The following MTFR1L variants were observed in gnomAD, a reference collection of about 807,000 sequenced individuals.
MTFR1L encodes the protein mitochondrial fission regulator 1-like.
MTFR1L carries 10 observed loss-of-function variants against 27.9 expected under a neutral mutation model. That is an observed-to-expected ratio of 0.36 (90% CI 0.22 to 0.61). MTFR1L has a LOEUF of 0.61. Among genes scored for constraint, MTFR1L ranks in the 20% least tolerant of loss-of-function variants. The pLI, the probability that MTFR1L is intolerant of heterozygous loss-of-function variation, is 0.73. For synonymous variants in MTFR1L, 151 were observed against 139.4 expected, an observed-to-expected ratio of 1.08 and a Z score of -0.58; for missense variants, 315 against 363.7, an observed-to-expected ratio of 0.87 and a Z score of 1.09.
chr1:25,828,988 T>TTAAAG (rs1036255826), intron 5 of MTFR1L, among the ~76,000 whole-genome samples: 1 of 152,222 alleles, frequency 6.6e-6, no homozygotes, highest in African/African-American at 2.4e-5. Flanking sequence ...TTTAGTGTTT[T>TTAAAG]TAAAGTATTT....
intron 3 of MTFR1L, among the ~76,000 whole-genome samples, chr1:25,823,971 CTA>C (rs1334291841): frequency 1.3e-5 from 2 of 152,234 alleles, no homozygotes; most frequent in Non-Finnish European, 2.9e-5. Context: ...GGGACACTGA[CTA>C]TTGTGATTTT....
At chr1:25,827,828 C>T (rs781305488) in intron 5 of MTFR1L, among the ~76,000 whole-genome samples, 1 of 152,166 alleles carries the variant, frequency 6.6e-6, no homozygotes, top group Non-Finnish European at 1.5e-5. Flanking sequence ...TGGGTTCAAG[C>T]AGTTCTCGTG....
chr1:25,820,973 G>C (rs556682593), intron 1 of MTFR1L: 2 of 296,330 alleles, frequency 6.7e-6, no homozygotes, highest in East Asian at 1.6e-4. Flanking sequence ...CTCGGCGAAG[G>C]GGGTGCTGGT....
chr1:25,821,744 G>A (rs1272881152), intron 1 of MTFR1L: 1 of 152,332 alleles, frequency 6.6e-6, no homozygotes, highest in Non-Finnish European at 1.5e-5. Context: ...TGCTCTTGCT[G>A]TTTTGTCTTC....
rs370001280 is a variant in MTFR1L, at chr1:25,826,261, C to G, written c.130-41C>G. 4.5e-5 allele frequency: 70 copies of G among 1,569,962 alleles called. No individual in the cohort carries two copies. In the African/African-American group the frequency reaches 9.1e-4, roughly 20 times the overall value. On this transcript the variant is annotated intron_variant, in intron 3 of 6. Coordinates refer to ENST00000374303, the MANE Select transcript of MTFR1L (RefSeq NM_001099625.2). The surrounding 1 kb of genome is among the most constrained non-coding windows in gnomAD (Gnocchi z 4.1). ...ATTCTGCAGTTTCTGATTGGCTCAT[C>G]ATGGCATCTGTAAATGTTGATGACT... is the stretch of plus-strand genomic sequence containing the variant.
At chr1:25,820,268 C>T (rs544178330) in intron 1 of MTFR1L, 3 of 455,962 alleles carry the variant, frequency 6.6e-6, no homozygotes, top group Admixed American at 2.4e-5. Context: ...CTTCTAGTTT[C>T]GGCTTCGCTG....
In MTFR1L at chr1:25,832,912, C is replaced by G. The variant is rs2048265823; in HGVS notation, c.*886C>G. The G allele has an allele frequency of 2.0e-5, 3 of 152,382 alleles. No individual in the cohort carries two copies. Among genetic ancestry groups the G allele is most frequent in the African/African-American group, 7.2e-5 (3 of 41,398 alleles). The allele number at this position is 152,382 out of a possible 1,614,324, so 9.4% of individuals were successfully genotyped here. On this transcript the variant is annotated 3_prime_UTR_variant, in exon 7 of 7. Coordinates refer to ENST00000374303, the MANE Select transcript of MTFR1L (RefSeq NM_001099625.2). ...GTGTTTGGGTTGAAGCACTACCTGA[C>G]ATTAAAGGAAGGACTTGGAGAGAGA...
At position 25,826,753 on chromosome 1, in the gene MTFR1L, C is replaced by T; in HGVS notation, c.378C>T (p.Ser126=). Reference sequence around the variant, plus strand: ...AGAAGCCAGCTCTGCCAGCCCTAAGCCGCACTACTGAGCTGCAGGACGAGC... The same window carrying T: ...AGAAGCCAGCTCTGCCAGCCCTAAGTCGCACTACTGAGCTGCAGGACGAGC... ...ALKKPALPAL[S]RTTELQDELS... is the part of the protein sequence containing the mutation. The change falls in exon 5 of 7, where the codon AGC becomes AGT. Residue 126 remains serine (S), a synonymous_variant. Coordinates refer to ENST00000374303, the MANE Select transcript of MTFR1L (RefSeq NM_001099625.2). The surrounding 1 kb of genome is among the most constrained non-coding windows in gnomAD (Gnocchi z 4.1). 6.2e-7 allele frequency: 1 copy of T among 1,614,150 alleles called. No homozygotes were observed. The highest frequency in any genetic ancestry group is 8.5e-7 in the Non-Finnish European group (1 of 1,180,040).
intron 5 of MTFR1L, among the ~76,000 whole-genome samples, chr1:25,828,835 T>C (rs1392251237): frequency 6.6e-6 from 1 of 152,228 alleles, no homozygotes; most frequent in African/African-American, 2.4e-5. Flanking sequence ...ATGGTGTTCT[T>C]TGAAATCTTC....
rs749216197 is a variant in MTFR1L at position 25,826,444 on chromosome 1, T to G, written c.239+33T>G. 1.2e-6 allele frequency: 2 copies of G among 1,610,388 alleles called. No homozygotes were observed. Among genetic ancestry groups the G allele is most frequent in the Admixed American group, 3.3e-5 (2 of 59,974 alleles). On this transcript the variant is annotated intron_variant, in intron 4 of 6. Transcript: ENST00000374303. This position sits in a 1 kb window ranked among gnomAD's most constrained non-coding sequence, Gnocchi z 4.1. The stretch of plus-strand genomic sequence containing the variant: ...AGGCAGTAGCTGGTCTGCTAAGGAA[T>G]GGAGAACTTCCCAGAAGAGGTGGCA...
chr1:25,820,568 A>G (rs114425492), intron 1 of MTFR1L: 4,396 of 373,868 alleles, frequency 0.012, 183 homozygotes, highest in African/African-American at 0.089. Context: ...GGTGCTGAGC[A>G]GGGCCCTGCG....
intron 5 of MTFR1L, among the ~76,000 whole-genome samples, chr1:25,827,871 G>T (rs1433706164): frequency 1.3e-5 from 2 of 151,840 alleles, no homozygotes; most frequent in African/African-American, 2.4e-5. Flanking sequence ...GATTATAGGC[G>T]CATGCCACCA....
At chr1:25,821,312 A>G (rs370197132) in intron 1 of MTFR1L, among the ~76,000 whole-genome samples, 3 of 152,310 alleles carry the variant, frequency 2.0e-5, no homozygotes, top group African/African-American at 7.2e-5. Context: ...CGTTAGTGCA[A>G]TTTGTGGCCG....
intron 5 of MTFR1L, among the ~76,000 whole-genome samples, chr1:25,828,567 G>GA (rs1187932092): frequency 0.07 from 9,617 of 138,172 alleles, 963 homozygotes; most frequent in African/African-American, 0.23. Context: ...CTCAAAAAAA[G>GA]AAAAAAAAAA....
In MTFR1L at chr1:25,829,700, A is replaced by C; in HGVS notation, c.643A>C (p.Lys215Gln). 6.2e-7 allele frequency: 1 copy of C among 1,614,160 alleles called. No homozygotes were observed. The change falls in exon 6 of 7, where the codon AAA becomes CAA. Residue 215 changes from lysine (K) to glutamine (Q), a missense_variant. By Grantham distance (53) the Lys-to-Gln change is moderately conservative. Transcript: ENST00000374303. ...LLCSASPECC[K>Q]PEHKAACSSS... is the part of the protein sequence containing the mutation. ...TTGTTCTGCCAGCCCTGAATGTTGC[A>C]AACCAGAACACAAAGCTGCCTGCAG...
At chr1:25,828,730 T>TTATC (rs1223728084) in intron 5 of MTFR1L, among the ~76,000 whole-genome samples, 6 of 152,182 alleles carry the variant, frequency 3.9e-5, no homozygotes, top group Admixed American at 2.0e-4. Flanking sequence ...TGCTCAGGGC[T>TTATC]TATCTTCATA....
rs554792930 is a variant in MTFR1L at position 25,826,842 on chromosome 1, C to A, written c.451+16C>A. The stretch of plus-strand genomic sequence containing the variant: ...GCTGATGCAGGTAGGAGCCCCTGTG[C>A]CAGGGCCAGAACGTAACAGGCTGTT... On this transcript the variant is annotated intron_variant, in intron 5 of 6. Transcript: ENST00000374303. The surrounding 1 kb of genome is among the most constrained non-coding windows in gnomAD (Gnocchi z 4.1). The A allele has an allele frequency of 2.5e-6, 4 of 1,612,272 alleles. No homozygotes were observed. The African/African-American group carries it at 4.0e-5, about 16-fold the overall frequency.
intron 6 of MTFR1L, 29 bp downstream of exon 6, chr1:25,829,859 CTATT>C (rs2048214754): frequency 2.6e-6 from 4 of 1,556,502 alleles, no homozygotes; most frequent in Non-Finnish European, 3.5e-6. Flanking sequence ...GCTCTGGTAT[CTATT>C]TACTCAGAGT....
At chr1:25,820,718 C>T in intron 1 of MTFR1L, 1 of 432,872 alleles carries the variant, frequency 2.3e-6, no homozygotes, top group Non-Finnish European at 4.6e-6. Flanking sequence ...GCCAGTGACA[C>T]TTGGGGGCGG....
Sources: allele counts gnomAD v4.1 joint callset (sites outside exome capture counted in the v4.1 genomes callset), GRCh38; gene constraint gnomAD v4.1.1; non-coding constraint Gnocchi (gnomAD v3.1); transcripts MANE v1.5; gene names NCBI Gene and HGNC (gene_info 2026-07-23, HGNC 2026-07-21).